Variants in SGCZ observed in about 807,000 individuals in gnomAD.
The protein encoded by SGCZ is zeta-sarcoglycan.
A neutral mutation model predicts 41.3 loss-of-function variants in SGCZ; 40 were observed. That is an observed-to-expected ratio of 0.97 (90% CI 0.75 to 1.26). The LOEUF is 1.26. SGCZ is among the 50% of genes most tolerant of loss of function. The pLI, the probability that SGCZ is intolerant of heterozygous loss-of-function variation, is 0.00. For missense variants in SGCZ, 552 were observed against 369.8 expected (o/e 1.49, Z -4.04); for synonymous variants, 206 against 137.5 (o/e 1.50, Z -3.49).
intron 1 of SGCZ, among the ~76,000 whole-genome samples, chr8:14,575,932 A>AAAAAAG (rs1563126402): frequency 5.5e-4 from 75 of 136,474 alleles, no homozygotes; most frequent in South Asian, 1.2e-3. Flanking sequence ...AAAAAAAAAA[A>AAAAAAG]AAAGAAAGAA....
At chr8:14,783,910 T>C (rs901753962) in intron 1 of SGCZ, among the ~76,000 whole-genome samples, 1 of 152,204 alleles carries the variant, frequency 6.6e-6, no homozygotes, top group Non-Finnish European at 1.5e-5. Context: ...GTTTTAAATT[T>C]AGTTTGTAAT....
chr8:14,535,185 T>C (rs757159396), intron 2 of SGCZ, among the ~76,000 whole-genome samples: 1 of 152,104 alleles, frequency 6.6e-6, no homozygotes, highest in East Asian at 1.9e-4. Context: ...TTATTTAGAT[T>C]TGATTACTTA....
At chr8:14,294,472 A>G (rs1328722691) in intron 3 of SGCZ, among the ~76,000 whole-genome samples, 2 of 151,986 alleles carry the variant, frequency 1.3e-5, no homozygotes, top group African/African-American at 4.8e-5. Context: ...GAAAATATAT[A>G]AAAACATTGC....
At chr8:14,743,188 T>C (rs1799243955) in intron 1 of SGCZ, among the ~76,000 whole-genome samples, 1 of 152,106 alleles carries the variant, frequency 6.6e-6, no homozygotes, top group Non-Finnish European at 1.5e-5. Flanking sequence ...CATTCTATGC[T>C]ATAGAATTCC....
intron 2 of SGCZ, among the ~76,000 whole-genome samples, chr8:14,349,371 C>T (rs1227005845): frequency 6.6e-6 from 1 of 151,982 alleles, no homozygotes; most frequent in Non-Finnish European, 1.5e-5. Context: ...TGTTGTGCTC[C>T]CCTTTTATAG....
chr8:15,211,158 C>G (rs182233537), intron 1 of SGCZ, among the ~76,000 whole-genome samples: 203 of 151,284 alleles, frequency 1.3e-3, no homozygotes, highest in African/African-American at 4.8e-3. Flanking sequence ...ATGTTGATAT[C>G]TAGGGGTTAA....
intron 2 of SGCZ, among the ~76,000 whole-genome samples, chr8:14,364,181 C>G (rs1049767860): frequency 5.3e-5 from 8 of 150,214 alleles, no homozygotes; most frequent in Admixed American, 1.3e-4. Flanking sequence ...TTGTTGAGAT[C>G]ATTCAATAAT....
chr8:14,791,812 T>A (rs1244306636), intron 1 of SGCZ, among the ~76,000 whole-genome samples: 1 of 152,162 alleles, frequency 6.6e-6, no homozygotes. Flanking sequence ...AAATTAAACC[T>A]CCTCAGGACA....
At chr8:14,821,832 G>A (rs540064077) in intron 1 of SGCZ, among the ~76,000 whole-genome samples, 16 of 152,070 alleles carry the variant, frequency 1.1e-4, no homozygotes, top group East Asian at 3.9e-4. Context: ...AAGGCCATAC[G>A]GGACAAATCC....
chr8:14,609,545 T>C lies in SGCZ; in HGVS notation c.40-54619A>G, dbSNP rs1005544720. Among the ~76,000 whole-genome samples the C allele has an allele frequency of 1.3e-5, 2 of 152,196 alleles. 1 individual carries two copies. The highest frequency in any genetic ancestry group is 3.9e-4 in the East Asian group (2 of 5,194). On this transcript the variant is annotated intron_variant, in intron 1 of 7. Transcript: ENST00000382080. The stretch of plus-strand genomic sequence containing the variant: ...CTGAAGATAGAGGTAAATTTTATCC[T>C]CAATTTATCAACACTATATGAGGTT...
chr8:15,021,994 G>C (rs1262722346), intron 1 of SGCZ, among the ~76,000 whole-genome samples: 2 of 152,140 alleles, frequency 1.3e-5, no homozygotes, highest in Non-Finnish European at 1.5e-5. Flanking sequence ...ACATAACCTT[G>C]TGCATAAATT....
intron 1 of SGCZ, among the ~76,000 whole-genome samples, chr8:14,829,907 G>A (rs1435897861): frequency 6.6e-6 from 1 of 152,102 alleles, no homozygotes; most frequent in Non-Finnish European, 1.5e-5. Context: ...CGCCTCCCGG[G>A]TTCACGCCAT....
intron 1 of SGCZ, among the ~76,000 whole-genome samples, chr8:14,583,115 A>G (rs571334440): frequency 0.02 from 3,019 of 150,220 alleles, 97 homozygotes; most frequent in African/African-American, 0.069. Flanking sequence ...ACTAGTTTAC[A>G]GTCCCACCAA....
At chr8:14,184,573 C>G (rs1281515198) in intron 4 of SGCZ, among the ~76,000 whole-genome samples, 1 of 152,086 alleles carries the variant, frequency 6.6e-6, no homozygotes, top group East Asian at 1.9e-4. Context: ...CTGATAAAGC[C>G]AAACCTACAC....
At chr8:14,528,835 AAACAAAACAAAAAC>A (rs1398628584) in intron 2 of SGCZ, among the ~76,000 whole-genome samples, 2 of 124,278 alleles carry the variant, frequency 1.6e-5, no homozygotes, top group Admixed American at 8.4e-5. Flanking sequence ...GCCAAAAAAA[AAACAAAACAAAAAC>A]AAAAAAAGAG....
intron 4 of SGCZ, among the ~76,000 whole-genome samples, chr8:14,211,705 C>G (rs1248149082): frequency 1.3e-5 from 2 of 152,096 alleles, no homozygotes; most frequent in Non-Finnish European, 2.9e-5. Context: ...TTTAAACCAT[C>G]ACATCTCGTG....
rs531580810 is a variant in SGCZ at position 15,155,927 on chromosome 8, G to A, written c.39+81658C>T. On this transcript the variant is annotated intron_variant, in intron 1 of 7. Transcript: ENST00000382080. ...CAAAAAATCAGTCAGGTGTAGTGGC[G>A]CACACCTGTAGTCCAAGCTACTCGA... is the stretch of plus-strand genomic sequence containing the variant. Among the ~76,000 whole-genome samples the A allele has an allele frequency of 2.1e-4, 32 of 151,922 alleles. No individual in the cohort carries two copies. In the South Asian group the frequency reaches 2.7e-3, roughly 13 times the overall value.
At chr8:14,194,199 G>T (rs1352510486) in intron 4 of SGCZ, among the ~76,000 whole-genome samples, 1 of 151,798 alleles carries the variant, frequency 6.6e-6, no homozygotes, top group South Asian at 2.1e-4. Context: ...TATTATCTTA[G>T]ACTGTATAGA....
chr8:14,980,464 G>C (rs887800957), intron 1 of SGCZ, among the ~76,000 whole-genome samples: 1 of 152,166 alleles, frequency 6.6e-6, no homozygotes, highest in Non-Finnish European at 1.5e-5. Context: ...GTGTTAGTCT[G>C]TTTTCACGTT....
Sources: allele counts gnomAD v4.1 joint callset (sites outside exome capture counted in the v4.1 genomes callset), GRCh38; gene constraint gnomAD v4.1.1; transcripts MANE v1.5; gene names NCBI Gene and HGNC (gene_info 2026-07-23, HGNC 2026-07-21).